SDK1: variants seen among roughly 807,000 people sequenced by gnomAD.
SDK1 encodes the protein sidekick cell adhesion molecule 1.
In SDK1, 157 loss-of-function variants were observed where a neutral mutation model predicts 245.5. The observed-to-expected ratio is 0.64, with a 90% CI of 0.56 to 0.73. SDK1 has a LOEUF of 0.73. Ranked by LOEUF, SDK1 falls within the 30% of genes least tolerant of loss-of-function variation. The probability of loss-of-function intolerance (pLI) is 0.00; values close to 1 mark genes in which losing one functional copy is unlikely to be tolerated. For synonymous variants in SDK1, 1,647 were observed against 1,278.5 expected, an observed-to-expected ratio of 1.29 and a Z score of -6.15; for missense variants, 3,583 against 3,002.3, an observed-to-expected ratio of 1.19 and a Z score of -4.52.
intron 4 of SDK1, among the ~76,000 whole-genome samples, chr7:3,767,911 C>CCAGTA (rs1052680807): frequency 1.3e-5 from 2 of 152,192 alleles, no homozygotes; most frequent in Non-Finnish European, 2.9e-5. Context: ...GATTATTGAA[C>CCAGTA]ACTTACTTTG....
chr7:3,972,735 A>G (rs1782586555), intron 12 of SDK1, among the ~76,000 whole-genome samples: 1 of 152,172 alleles, frequency 6.6e-6, no homozygotes, highest in African/African-American at 2.4e-5. Context: ...CGGGACGCGG[A>G]GACTCGGCTG....
At chr7:3,662,080 G>A (rs1783382477) in intron 4 of SDK1, among the ~76,000 whole-genome samples, 2 of 143,358 alleles carry the variant, frequency 1.4e-5, no homozygotes, top group African/African-American at 5.2e-5. Context: ...TCCCTTCAAG[G>A]AAATCTTGCA....
At chr7:3,710,728 C>G (rs1462489338) in intron 4 of SDK1, among the ~76,000 whole-genome samples, 1 of 152,206 alleles carries the variant, frequency 6.6e-6, no homozygotes, top group African/African-American at 2.4e-5. Context: ...GATTGGGAAA[C>G]CAGCAGAGAG....
intron 21 of SDK1, among the ~76,000 whole-genome samples, chr7:4,077,755 G>A (rs1020493047): frequency 2.0e-5 from 3 of 152,148 alleles, no homozygotes; most frequent in Admixed American, 6.5e-5. Flanking sequence ...TCACTATCAT[G>A]AGAACAGCAC....
chr7:3,771,846 C>G (rs1409108539), intron 4 of SDK1, among the ~76,000 whole-genome samples: 1 of 152,174 alleles, frequency 6.6e-6, no homozygotes. Context: ...CATCACCCCC[C>G]ATCCATCTCC....
At chr7:4,194,536 A>T (rs1358330016) in intron 35 of SDK1, among the ~76,000 whole-genome samples, 1 of 152,028 alleles carries the variant, frequency 6.6e-6, no homozygotes, top group Non-Finnish European at 1.5e-5. Context: ...AGGTCCCACA[A>T]TAGGCTATCT....
intron 18 of SDK1, among the ~76,000 whole-genome samples, chr7:4,049,921 G>T (rs1789315661): frequency 6.6e-6 from 1 of 152,148 alleles, no homozygotes; most frequent in African/African-American, 2.4e-5. Flanking sequence ...GAGACCAGTT[G>T]ATTCCAGCTA....
At chr7:3,678,866 G>T (rs1352995062) in intron 4 of SDK1, among the ~76,000 whole-genome samples, 5 of 151,984 alleles carry the variant, frequency 3.3e-5, no homozygotes, top group Non-Finnish European at 7.4e-5. Context: ...GGAGCAATTG[G>T]GTATCAACAG....
chr7:3,580,210 A>G (rs1182541514), intron 1 of SDK1, among the ~76,000 whole-genome samples: 3 of 152,248 alleles, frequency 2.0e-5, no homozygotes, highest in Admixed American at 1.3e-4. Flanking sequence ...TAAAATGGCC[A>G]TAATACCCAA....
At chr7:3,450,226 G>C (rs974081535) in intron 1 of SDK1, among the ~76,000 whole-genome samples, 6 of 152,174 alleles carry the variant, frequency 3.9e-5, no homozygotes, top group African/African-American at 1.4e-4. Context: ...TATAGAGTTT[G>C]GTAATAGTGA....
chr7:3,507,191 C>G (rs1782421304), intron 1 of SDK1, among the ~76,000 whole-genome samples: 1 of 152,140 alleles, frequency 6.6e-6, no homozygotes, highest in Admixed American at 6.5e-5. Context: ...GTGTGTACTT[C>G]AGCATTTACC....
At chr7:3,398,789 C>G (rs558247720) in intron 1 of SDK1, among the ~76,000 whole-genome samples, 231 of 134,864 alleles carry the variant, frequency 1.7e-3, no homozygotes, top group Middle Eastern at 7.7e-3. Flanking sequence ...TTTTTTTCCT[C>G]AAGCTAGTTT....
At chr7:3,322,899 T>C (rs1312753686) in intron 1 of SDK1, among the ~76,000 whole-genome samples, 1 of 152,084 alleles carries the variant, frequency 6.6e-6, no homozygotes, top group African/African-American at 2.4e-5. Context: ...AGCGTCTACC[T>C]CCCAGGTTCA....
At chr7:4,110,532 A>G (rs768271256) in intron 22 of SDK1, 131 bp from the exon 23 acceptor site, 4 of 665,220 alleles carry the variant, frequency 6.0e-6, no homozygotes, top group African/African-American at 5.3e-5. Context: ...GCAGGACTCA[A>G]CTTGTCCCAG....
rs1200740022 is a variant in SDK1, at chr7:3,725,764, G to T, written c.713+83659G>T. ...GAAGAAAATTGCTAGTACCAGTGTG[G>T]GAGTTGTACTGTCGTCTTCTCTTTT... On this transcript the variant is annotated intron_variant, in intron 4 of 44. Coordinates refer to ENST00000404826, the MANE Select transcript of SDK1 (RefSeq NM_152744.4). Among the ~76,000 whole-genome samples, 5 of 152,152 alleles carry T rather than the reference G, an allele frequency of 3.3e-5. No homozygotes were observed. In the East Asian group the frequency reaches 5.8e-4, roughly 18 times the overall value.
At position 3,719,938 on chromosome 7, in the gene SDK1, C is replaced by CTG. The variant is rs1274471255; in HGVS notation, c.713+77834_713+77835dup. ...GTTGCAGTGAGCCGAGATCGTGCCA[C>CTG]TGCACCCCAGTCTGGTGACAGAACA... On this transcript the variant is annotated intron_variant, in intron 4 of 44. Coordinates refer to ENST00000404826, the MANE Select transcript of SDK1 (RefSeq NM_152744.4). 2.6e-5 allele frequency among the ~76,000 whole-genome samples: 4 copies of CTG among 151,160 alleles called. No individual in the cohort carries two copies. The East Asian group carries it at 7.8e-4, about 29-fold the overall frequency.
intron 13 of SDK1, among the ~76,000 whole-genome samples, chr7:3,978,156 T>G (rs181233342): frequency 2.0e-5 from 3 of 152,160 alleles, no homozygotes; most frequent in African/African-American, 7.2e-5. Flanking sequence ...TGTTGTATTA[T>G]GCACATTTTT....
At chr7:3,570,542 G>A (rs1025329312) in intron 1 of SDK1, among the ~76,000 whole-genome samples, 1 of 152,152 alleles carries the variant, frequency 6.6e-6, no homozygotes, top group Non-Finnish European at 1.5e-5. Context: ...CATCTTGCTG[G>A]ATGAGGAGGT....
intron 26 of SDK1, 151 bp from the exon 27 acceptor site, chr7:4,129,757 A>C: frequency 6.9e-7 from 1 of 1,456,208 alleles, no homozygotes; most frequent in Non-Finnish European, 9.0e-7. Context: ...CAGCATGGAC[A>C]AATTAGATCC....
Sources: allele counts gnomAD v4.1 joint callset (sites outside exome capture counted in the v4.1 genomes callset), GRCh38; gene constraint gnomAD v4.1.1; transcripts MANE v1.5; gene names NCBI Gene and HGNC (gene_info 2026-07-23, HGNC 2026-07-21).